Variants in CERKL observed in about 807,000 individuals in gnomAD.
CERKL encodes the protein CERK like autophagy regulator, also known as ceramide kinase-like protein.
A neutral mutation model predicts 63.4 loss-of-function variants in CERKL; 61 were observed. That is an observed-to-expected ratio of 0.96 (90% CI 0.78 to 1.19). CERKL has a LOEUF of 1.19. CERKL is among the 50% of genes most tolerant of loss of function. CERKL has a pLI of 0.00. For missense variants in CERKL, 675 were observed against 655.5 expected, an observed-to-expected ratio of 1.03 and a Z score of -0.33; for synonymous variants, 250 against 230.5, an observed-to-expected ratio of 1.08 and a Z score of -0.77.
chr2:181,631,313 CCAGAGCTTCT>C, intron 1 of CERKL, among the ~76,000 whole-genome samples: 1 of 152,260 alleles, frequency 6.6e-6, no homozygotes, highest in South Asian at 2.1e-4. Flanking sequence ...TGAACTAGAA[CCAGAGCTTCT>C]CAGAGCTTCC....
chr2:181,598,147 T>C (rs1457073199), intron 2 of CERKL, among the ~76,000 whole-genome samples: 1 of 151,952 alleles, frequency 6.6e-6, no homozygotes, highest in Non-Finnish European at 1.5e-5. Context: ...CTGCTGAAAG[T>C]GAGAATGCCA....
chr2:181,638,790 G>A (rs1389970374), intron 1 of CERKL, among the ~76,000 whole-genome samples: 1 of 152,144 alleles, frequency 6.6e-6, no homozygotes, highest in East Asian at 1.9e-4. Flanking sequence ...CTCCTAATGG[G>A]CAATCTTTTT....
intron 1 of CERKL, among the ~76,000 whole-genome samples, chr2:181,609,442 T>A (rs983831654): frequency 6.8e-6 from 1 of 147,708 alleles, no homozygotes; most frequent in Non-Finnish European, 1.5e-5. Context: ...ACACCTGTAA[T>A]CCCAGCACTT....
chr2:181,537,351 T>C lies in CERKL; in HGVS notation c.*833A>G, dbSNP rs1005997784. 1.3e-5 allele frequency: 6 copies of C among 453,684 alleles called. No individual in the cohort carries two copies. The highest frequency in any genetic ancestry group is 8.0e-5 in the African/African-American group (4 of 49,990). The allele number at this position is 453,684 out of a possible 1,614,324, so 28.1% of individuals were successfully genotyped here. On this transcript the variant is annotated 3_prime_UTR_variant, in exon 13 of 13. Transcript: ENST00000410087. ...ACTATGGTTGTCCAACACAGGCCTC[T>C]CAGATACAAGGGGAACACAATTACA...
intron 1 of CERKL, among the ~76,000 whole-genome samples, chr2:181,624,256 G>A (rs1409827570): frequency 6.6e-6 from 1 of 152,068 alleles, no homozygotes; most frequent in Admixed American, 6.6e-5. Context: ...GGCCAGACAT[G>A]GTGGCTCATG....
chr2:181,584,002 T>G (rs962775103), intron 2 of CERKL, among the ~76,000 whole-genome samples: 5 of 152,316 alleles, frequency 3.3e-5, no homozygotes, highest in African/African-American at 1.2e-4. Flanking sequence ...AGCTACACAC[T>G]GCAGCATTTT....
intron 1 of CERKL, among the ~76,000 whole-genome samples, chr2:181,651,044 T>C (rs1271304019): frequency 6.6e-6 from 1 of 152,204 alleles, no homozygotes; most frequent in East Asian, 1.9e-4. Flanking sequence ...TAATAAAGTC[T>C]TTCATCAAAG....
chr2:181,583,238 C>T (rs1270111337), intron 2 of CERKL, among the ~76,000 whole-genome samples: 1 of 151,700 alleles, frequency 6.6e-6, no homozygotes, highest in Non-Finnish European at 1.5e-5. Flanking sequence ...CAAGGATGAT[C>T]AATGTGTGTT....
At chr2:181,631,555 A>T (rs1045858694) in intron 1 of CERKL, among the ~76,000 whole-genome samples, 2 of 151,592 alleles carry the variant, frequency 1.3e-5, no homozygotes, top group Middle Eastern at 3.4e-3. Context: ...ACCCCTCCAC[A>T]GCACCCCCCT....
chr2:181,539,750 A>AT (rs1273808867), intron 11 of CERKL, among the ~76,000 whole-genome samples: 7 of 152,288 alleles, frequency 4.6e-5, no homozygotes, highest in South Asian at 4.1e-4. Flanking sequence ...TCAAATATGG[A>AT]TTTTAAAAGG....
At chr2:181,605,951 C>T (rs554304784) in intron 1 of CERKL, among the ~76,000 whole-genome samples, 4 of 151,806 alleles carry the variant, frequency 2.6e-5, no homozygotes, top group South Asian at 2.1e-4. Flanking sequence ...TTTGGCCTCT[C>T]CCAACTATTC....
At chr2:181,623,641 T>C (rs1413968335) in intron 1 of CERKL, among the ~76,000 whole-genome samples, 1 of 152,188 alleles carries the variant, frequency 6.6e-6, no homozygotes, top group African/African-American at 2.4e-5. Context: ...GACTACCCAA[T>C]AAATAATCGT....
intron 4 of CERKL, among the ~76,000 whole-genome samples, chr2:181,560,352 A>C (rs1433825407): frequency 1.3e-5 from 2 of 152,212 alleles, no homozygotes; most frequent in Non-Finnish European, 2.9e-5. Flanking sequence ...GTTGCATACA[A>C]TTATAGCGTC....
intron 2 of CERKL, among the ~76,000 whole-genome samples, chr2:181,578,108 T>C (rs1455805915): frequency 1.3e-5 from 2 of 152,282 alleles, no homozygotes; most frequent in African/African-American, 4.8e-5. Flanking sequence ...TTCACTGATA[T>C]CTAGTTTCCT....
Position 181,557,437 on chromosome 2 carries a change from C to T in CERKL, c.820+1129G>A, listed in dbSNP as rs531285813. On this transcript the variant is annotated intron_variant, in intron 5 of 12. Coordinates refer to ENST00000410087, the MANE Select transcript of CERKL (RefSeq NM_201548.5). ...TTTGTGTAAGGTGTAAGGAAGGGATCCTGTTTCAGCTTTCTGCATATGGCT... is the reference window on the plus strand; with the variant it reads ...TTTGTGTAAGGTGTAAGGAAGGGATTCTGTTTCAGCTTTCTGCATATGGCT... 3.3e-5 allele frequency among the ~76,000 whole-genome samples: 5 copies of T among 152,248 alleles called. No homozygotes were observed. The East Asian group carries it at 7.7e-4, about 23-fold the overall frequency.
At chr2:181,567,933 T>C (rs969971141) in intron 3 of CERKL, among the ~76,000 whole-genome samples, 2 of 152,160 alleles carry the variant, frequency 1.3e-5, no homozygotes, top group African/African-American at 4.8e-5. Context: ...GCTAGATAAA[T>C]GTAATTTCAA....
intron 1 of CERKL, among the ~76,000 whole-genome samples, chr2:181,613,592 G>A (rs112434272): frequency 2.2e-3 from 341 of 152,274 alleles, no homozygotes; most frequent in African/African-American, 7.6e-3. Context: ...AAGAAAAACT[G>A]TAGGCTTAGA....
At chr2:181,615,213 A>C (rs373586526) in intron 1 of CERKL, among the ~76,000 whole-genome samples, 141 of 152,310 alleles carry the variant, frequency 9.3e-4, no homozygotes, top group African/African-American at 3.3e-3. Flanking sequence ...ATTACAGGGA[A>C]TAAAGATAAC....
intron 10 of CERKL, among the ~76,000 whole-genome samples, chr2:181,545,146 T>C (rs1433899376): frequency 6.6e-6 from 1 of 152,212 alleles, no homozygotes; most frequent in Admixed American, 6.5e-5. Flanking sequence ...TGTTAAAAGA[T>C]GTATTATAGA....
Sources: allele counts gnomAD v4.1 joint callset (sites outside exome capture counted in the v4.1 genomes callset), GRCh38; gene constraint gnomAD v4.1.1; transcripts MANE v1.5; gene names NCBI Gene and HGNC (gene_info 2026-07-23, HGNC 2026-07-21).